Variants in ADAMTS6 observed in about 807,000 individuals in gnomAD.
The protein encoded by ADAMTS6 is A disintegrin and metalloproteinase with thrombospondin motifs 6.
Under a neutral mutation model 144.3 loss-of-function variants are expected in ADAMTS6, and 23 were observed. The observed-to-expected ratio is 0.16, with a 90% CI of 0.11 to 0.23. The LOEUF is 0.23. Among genes scored for constraint, ADAMTS6 ranks in the 10% least tolerant of loss-of-function variants. The pLI, the probability that ADAMTS6 is intolerant of heterozygous loss-of-function variation, is 1.00. For missense variants in ADAMTS6, 999 were observed against 1,379.6 expected (o/e 0.72, Z 4.37); for synonymous variants, 444 against 457.5 (o/e 0.97, Z 0.38).
intron 15 of ADAMTS6, 27 bp downstream of exon 15, chr5:65,242,077 T>G (rs116171565): frequency 8.8e-5 from 131 of 1,484,024 alleles, no homozygotes; most frequent in Admixed American, 1.2e-4. Context: ...TGCTCAAGCA[T>G]GAATGCTCTG....
chr5:65,421,430 A>C (rs1171692495), intron 7 of ADAMTS6, among the ~76,000 whole-genome samples: 2 of 152,208 alleles, frequency 1.3e-5, no homozygotes, highest in African/African-American at 4.8e-5. Flanking sequence ...TCTGCTGAGA[A>C]GTCTGCTGTT....
chr5:65,197,686 A>G (rs941557125), intron 20 of ADAMTS6, among the ~76,000 whole-genome samples: 6 of 152,182 alleles, frequency 3.9e-5, no homozygotes, highest in Non-Finnish European at 8.8e-5. Flanking sequence ...CTAAAAGCCC[A>G]TTCATTGTTT....
rs909982674 is a variant in ADAMTS6, at chr5:65,172,813, C to T, written c.3087+19G>A. On this transcript the variant is annotated intron_variant, in intron 23 of 24. Transcript: ENST00000381055. ...TCAAGGTGCTATTTCAGCAGGAGCC[C>T]ACAGTACAAACGCCTTACCTGGCCC... The T allele has an allele frequency of 5.0e-6, 8 of 1,609,226 alleles. No individual in the cohort carries two copies. The highest frequency in any genetic ancestry group is 2.7e-5 in the African/African-American group (2 of 74,688).
chr5:65,263,054 T>C (rs1418864716), intron 12 of ADAMTS6, 92 bp from the exon 13 acceptor site: 11 of 1,483,310 alleles, frequency 7.4e-6, no homozygotes, highest in South Asian at 2.4e-5. Flanking sequence ...TGACCAACTA[T>C]AGGCATTAGC....
chr5:65,468,059 GA>G (rs572691590), intron 3 of ADAMTS6, among the ~76,000 whole-genome samples: 141 of 151,978 alleles, frequency 9.3e-4, no homozygotes, highest in African/African-American at 3.1e-3. Flanking sequence ...AGAAACTCCA[GA>G]AAAAACAAAA....
In ADAMTS6 at chr5:65,214,554, A is replaced by G; in HGVS notation, c.2575+240T>C. The G allele has an allele frequency of 1.7e-6, 1 of 572,252 alleles. No homozygotes were observed. The highest frequency in any genetic ancestry group is 3.1e-6 in the Non-Finnish European group (1 of 323,210). The allele number at this position is 572,252 out of a possible 1,614,324, so 35.4% of individuals were successfully genotyped here. A position where few individuals can be genotyped will look rare whatever the true frequency, so the allele number is the denominator to read the frequency against. ...TCAAGATAGTCTTGGGAGAAGCACC[A>G]GCAGAGACACTCATTGTGCCAAGAT... is the stretch of plus-strand genomic sequence containing the variant. On this transcript the variant is annotated intron_variant, in intron 20 of 24. Coordinates refer to ENST00000381055, the MANE Select transcript of ADAMTS6 (RefSeq NM_197941.4). This position sits in a 1 kb window ranked among gnomAD's most constrained non-coding sequence, Gnocchi z 4.6.
Position 65,406,131 on chromosome 5 carries a change from C to G in ADAMTS6, c.1073+45344G>C, listed in dbSNP as rs187130793. Among the ~76,000 whole-genome samples, 693 of 152,164 alleles carry G rather than the reference C, an allele frequency of 4.6e-3. 5 individuals are homozygous for G. The highest frequency in any genetic ancestry group is 0.015 in the African/African-American group (634 of 41,520). On this transcript the variant is annotated intron_variant, in intron 7 of 24. Coordinates refer to ENST00000381055, the MANE Select transcript of ADAMTS6 (RefSeq NM_197941.4). ...ACTTCCTCTTTTCCTAATTGAATAC[C>G]CTTTATTTCTTTCTCCTGCCTAATT...
chr5:65,408,512 C>A (rs1262967527), intron 7 of ADAMTS6, among the ~76,000 whole-genome samples: 6 of 151,938 alleles, frequency 3.9e-5, no homozygotes, highest in African/African-American at 1.2e-4. Flanking sequence ...GTCCTTAGAG[C>A]CATACAAAGA....
At chr5:65,207,779 G>A (rs1041754681) in intron 20 of ADAMTS6, among the ~76,000 whole-genome samples, 3 of 152,234 alleles carry the variant, frequency 2.0e-5, no homozygotes, top group African/African-American at 7.2e-5. Context: ...GGGGCCATAT[G>A]CCTCTTCTGT....
chr5:65,335,543 T>G (rs1044606244), intron 7 of ADAMTS6, among the ~76,000 whole-genome samples: 17 of 152,174 alleles, frequency 1.1e-4, no homozygotes, highest in African/African-American at 4.1e-4. Context: ...CAGATACAGA[T>G]GTTTCAATAG....
At chr5:65,375,790 T>G (rs542805060) in intron 7 of ADAMTS6, among the ~76,000 whole-genome samples, 1 of 152,330 alleles carries the variant, frequency 6.6e-6, no homozygotes, top group African/African-American at 2.4e-5. Context: ...TAAATCATGC[T>G]GCTATAAAGG....
chr5:65,234,078 CA>C (rs3078364), intron 15 of ADAMTS6, among the ~76,000 whole-genome samples: 973 of 90,272 alleles, frequency 0.011, 3 homozygotes, highest in African/African-American at 0.026. Flanking sequence ...TGGTCACGTG[CA>C]AAAAAAAAAA....
intron 7 of ADAMTS6, among the ~76,000 whole-genome samples, chr5:65,438,952 C>G (rs2150229072): frequency 6.6e-6 from 1 of 152,268 alleles, no homozygotes; most frequent in South Asian, 2.1e-4. Flanking sequence ...TTAGCTCCCT[C>G]CTCTCTTCCC....
At chr5:65,458,107 A>G (rs1487262187) in intron 4 of ADAMTS6, among the ~76,000 whole-genome samples, 1 of 151,996 alleles carries the variant, frequency 6.6e-6, no homozygotes, top group Non-Finnish European at 1.5e-5. Context: ...TTATTTCCAT[A>G]ATGGTTCATT....
At chr5:65,430,223 G>C (rs1756884331) in intron 7 of ADAMTS6, among the ~76,000 whole-genome samples, 1 of 149,546 alleles carries the variant, frequency 6.7e-6, no homozygotes, top group South Asian at 2.1e-4. Context: ...TGAGATATAA[G>C]ACTGAAAACA....
chr5:65,186,775 C>A (rs1244987831), intron 22 of ADAMTS6, among the ~76,000 whole-genome samples: 1 of 152,120 alleles, frequency 6.6e-6, no homozygotes, highest in Non-Finnish European at 1.5e-5. Context: ...CTTAGGTAGG[C>A]AGAATGTAAT....
intron 7 of ADAMTS6, among the ~76,000 whole-genome samples, chr5:65,362,686 T>A (rs916021455): frequency 6.6e-6 from 1 of 152,194 alleles, no homozygotes; most frequent in Admixed American, 6.5e-5. Flanking sequence ...TGGGCTCAAT[T>A]CTTTCCATCA....
intron 7 of ADAMTS6, among the ~76,000 whole-genome samples, chr5:65,342,163 A>G (rs993050124): frequency 6.6e-6 from 1 of 152,138 alleles, no homozygotes. Context: ...AAAACTCTTA[A>G]TAAATTAGGT....
chr5:65,237,758 C>A (rs934663591), intron 15 of ADAMTS6, among the ~76,000 whole-genome samples: 1 of 152,092 alleles, frequency 6.6e-6, no homozygotes, highest in African/African-American at 2.4e-5. Flanking sequence ...TAAAAAAATA[C>A]ATCATGATCA....
Sources: gnomAD v4.1 joint callset for allele counts (sites outside exome capture counted in the v4.1 genomes callset) on GRCh38, gnomAD v4.1.1 for gene constraint, Gnocchi (gnomAD v3.1) non-coding constraint, MANE v1.5 for transcripts, NCBI Gene and HGNC (gene_info 2026-07-23, HGNC 2026-07-21) for gene names.